CDH13: variants seen among roughly 807,000 people sequenced by gnomAD.
CDH13 encodes cadherin 13, also known as cadherin-13.
A neutral mutation model predicts 63.8 loss-of-function variants in CDH13; 24 were observed. The observed-to-expected ratio is 0.38, with a 90% CI of 0.27 to 0.53. The LOEUF is 0.53. Among genes scored for constraint, CDH13 ranks in the 20% least tolerant of loss-of-function variants. The pLI, the probability that CDH13 is intolerant of heterozygous loss-of-function variation, is 0.85. For synonymous variants in CDH13, 503 were observed against 355.3 expected, an observed-to-expected ratio of 1.42 and a Z score of -4.67; for missense variants, 1,049 against 903.1, an observed-to-expected ratio of 1.16 and a Z score of -2.07.
At chr16:83,010,393 G>T (rs1309165321) in intron 2 of CDH13, among the ~76,000 whole-genome samples, 1 of 152,082 alleles carries the variant, frequency 6.6e-6, no homozygotes, top group African/African-American at 2.4e-5. Flanking sequence ...AGAGATGCAC[G>T]ACTGTCAGAA....
intron 1 of CDH13, among the ~76,000 whole-genome samples, chr16:82,790,571 C>G (rs1483378928): frequency 2.0e-5 from 3 of 152,144 alleles, no homozygotes; most frequent in Admixed American, 1.3e-4. Context: ...TCCTGCGTCC[C>G]ATAGTAGGGT....
At chr16:83,221,738 G>A (rs2039707250) in intron 5 of CDH13, among the ~76,000 whole-genome samples, 1 of 152,098 alleles carries the variant, frequency 6.6e-6, no homozygotes, top group Non-Finnish European at 1.5e-5. Flanking sequence ...GTAGCAGGCA[G>A]GTGTCCTTGG....
chr16:83,777,279 T>C (rs247403), intron 11 of CDH13, among the ~76,000 whole-genome samples: 99,205 of 152,096 alleles, frequency 0.65, 33,356 homozygotes, highest in African/African-American at 0.74. Context: ...TTGGTACAGG[T>C]CCCTTGTGAT....
chr16:82,740,536 C>G (rs2033880913), intron 1 of CDH13, among the ~76,000 whole-genome samples: 1 of 152,190 alleles, frequency 6.6e-6, no homozygotes, highest in African/African-American at 2.4e-5. Context: ...AATTCCATGG[C>G]TTACACATTG....
At chr16:83,117,497 T>C (rs1250364622) in intron 3 of CDH13, among the ~76,000 whole-genome samples, 4 of 152,144 alleles carry the variant, frequency 2.6e-5, no homozygotes, top group African/African-American at 9.7e-5. Flanking sequence ...GCTGATCTTT[T>C]TTCTCTTGAG....
chr16:83,278,020 A>T (rs1048054024), intron 5 of CDH13, among the ~76,000 whole-genome samples: 5 of 152,334 alleles, frequency 3.3e-5, no homozygotes, highest in African/African-American at 1.2e-4. Flanking sequence ...ATTTCTATTG[A>T]TAAAAGGTCT....
In CDH13 at chr16:83,516,602, C is replaced by G. The variant is rs144951638; in HGVS notation, c.960+29947C>G. On this transcript the variant is annotated intron_variant, in intron 7 of 13. Coordinates refer to ENST00000567109, the MANE Select transcript of CDH13 (RefSeq NM_001257.5). ...GATTTTAATGTGAGAGCTCCCTTAT[C>G]ATGTTGAGGAGAATGGCTGTCTGAA... Among the ~76,000 whole-genome samples, 478 of 152,270 alleles carry G rather than the reference C, an allele frequency of 3.1e-3. 1 individual carries two copies. Among genetic ancestry groups the G allele is most frequent in the African/African-American group, 0.011 (462 of 41,558 alleles).
intron 8 of CDH13, among the ~76,000 whole-genome samples, chr16:83,666,487 G>C (rs374638858): frequency 6.6e-6 from 1 of 152,112 alleles, no homozygotes; most frequent in African/African-American, 2.4e-5. Context: ...ACGTAACCCA[G>C]TTCCTTGATT....
chr16:83,234,149 T>C (rs901204468), intron 5 of CDH13, among the ~76,000 whole-genome samples: 62 of 152,332 alleles, frequency 4.1e-4, no homozygotes, highest in African/African-American at 1.4e-3. Context: ...TGAAAGCTCA[T>C]AGGCAGTGTG....
intron 4 of CDH13, among the ~76,000 whole-genome samples, chr16:83,204,166 G>C (rs1001431335): frequency 6.6e-6 from 1 of 152,142 alleles, no homozygotes; most frequent in Non-Finnish European, 1.5e-5. Context: ...TGCCTTGTTG[G>C]GTCTACTGGG....
intron 1 of CDH13, among the ~76,000 whole-genome samples, chr16:82,811,940 C>T (rs538704898): frequency 1.7e-3 from 258 of 152,184 alleles, no homozygotes; most frequent in Middle Eastern, 0.014. Context: ...TTTTGAGTAT[C>T]ATGGAAATAT....
chr16:83,476,325 A>G (rs1029132245), intron 6 of CDH13, among the ~76,000 whole-genome samples: 1 of 152,200 alleles, frequency 6.6e-6, no homozygotes, highest in Non-Finnish European at 1.5e-5. Flanking sequence ...AGGGGCTAAA[A>G]TACCCCTCAT....
At chr16:83,435,329 C>G (rs2072261626) in intron 6 of CDH13, among the ~76,000 whole-genome samples, 1 of 152,124 alleles carries the variant, frequency 6.6e-6, no homozygotes, top group African/African-American at 2.4e-5. Context: ...CAAGAGTGAG[C>G]CACTATGCCT....
chr16:83,491,897 ATTTC>A (rs545733696), intron 7 of CDH13, among the ~76,000 whole-genome samples: 191 of 152,266 alleles, frequency 1.3e-3, no homozygotes, highest in African/African-American at 4.4e-3. Flanking sequence ...AATGGAGAGA[ATTTC>A]TTTCTTTCTT....
intron 1 of CDH13, among the ~76,000 whole-genome samples, chr16:82,715,491 C>A (rs965063816): frequency 6.6e-6 from 1 of 152,210 alleles, no homozygotes; most frequent in South Asian, 2.1e-4. Flanking sequence ...TAAGAAAAGC[C>A]GCAAAGGATT....
At chr16:83,531,447 A>T (rs887155623) in intron 7 of CDH13, among the ~76,000 whole-genome samples, 1 of 152,178 alleles carries the variant, frequency 6.6e-6, no homozygotes, top group Non-Finnish European at 1.5e-5. Flanking sequence ...TGGTGTGATT[A>T]AGTCAAGGAT....
intron 11 of CDH13, among the ~76,000 whole-genome samples, chr16:83,760,297 T>G (rs1283926020): frequency 6.6e-6 from 1 of 152,202 alleles, no homozygotes; most frequent in African/African-American, 2.4e-5. Flanking sequence ...GGAAACATAG[T>G]ATCAACTAAA....
intron 1 of CDH13, among the ~76,000 whole-genome samples, chr16:82,812,241 A>C (rs2037483856): frequency 6.6e-6 from 1 of 152,178 alleles, no homozygotes. Context: ...CTGCATGGCT[A>C]TCTTGCTGGA....
At chr16:82,906,637 C>G (rs1362757948) in intron 2 of CDH13, among the ~76,000 whole-genome samples, 2 of 152,138 alleles carry the variant, frequency 1.3e-5, no homozygotes, top group Admixed American at 6.5e-5. Context: ...TAACAGATTA[C>G]CACTAACTCA....
Sources: allele counts gnomAD v4.1 joint callset (sites outside exome capture counted in the v4.1 genomes callset), GRCh38; gene constraint gnomAD v4.1.1; transcripts MANE v1.5; gene names NCBI Gene and HGNC (gene_info 2026-07-23, HGNC 2026-07-21).